Variants in ATP8A2 observed in about 807,000 individuals in gnomAD.
The protein encoded by ATP8A2 is phospholipid-transporting ATPase IB.
A neutral mutation model predicts 165.6 loss-of-function variants in ATP8A2; 100 were observed. The ratio of observed to expected loss-of-function variants is 0.60; its 90% confidence interval spans 0.51 to 0.71. The LOEUF (loss-of-function observed/expected upper bound fraction) is 0.71, where lower values mean the gene tolerates loss of function less well. Ranked by LOEUF, ATP8A2 falls within the 30% of genes least tolerant of loss-of-function variation. ATP8A2 has a pLI of 0.00. For synonymous variants in ATP8A2, 543 were observed against 548.8 expected (o/e 0.99, Z 0.15); for missense variants, 1,227 against 1,479.5 (o/e 0.83, Z 2.80).
intron 20 of ATP8A2, among the ~76,000 whole-genome samples, chr13:25,578,087 A>G (rs1033479741): frequency 2.6e-5 from 4 of 152,232 alleles, no homozygotes; most frequent in African/African-American, 4.8e-5. Flanking sequence ...TAAGTACCAC[A>G]TCGAGTACAA....
In ATP8A2 at chr13:25,496,624, T is replaced by C. The variant is rs148931316; in HGVS notation, c.221+27503T>C. On this transcript the variant is annotated intron_variant, in intron 2 of 36. Transcript: ENST00000381655. ...ATAGTGCCCAGAACACTTCGGGTTT[T>C]CAGGAAATGTTGTTTTCCTTATCAT... is the stretch of plus-strand genomic sequence containing the variant. Among the ~76,000 whole-genome samples the C allele has an allele frequency of 7.3e-3, 1,106 of 152,296 alleles. 14 individuals carry two copies. The highest frequency in any genetic ancestry group is 0.023 in the African/African-American group (965 of 41,556).
intron 1 of ATP8A2, among the ~76,000 whole-genome samples, chr13:25,420,014 A>C (rs1309663071): frequency 6.6e-6 from 1 of 152,242 alleles, no homozygotes; most frequent in African/African-American, 2.4e-5. Context: ...TCAAGGAAAA[A>C]TGTATGTACT....
intron 1 of ATP8A2, among the ~76,000 whole-genome samples, chr13:25,424,470 G>C (rs2138116008): frequency 6.6e-6 from 1 of 152,302 alleles, no homozygotes; most frequent in South Asian, 2.1e-4. Flanking sequence ...TCTGAGTACT[G>C]CTCATGATCT....
intron 25 of ATP8A2, among the ~76,000 whole-genome samples, chr13:25,721,317 CCAT>C (rs1451263579): frequency 6.6e-6 from 1 of 151,838 alleles, no homozygotes; most frequent in Non-Finnish European, 1.5e-5. Flanking sequence ...ATATGAACAG[CCAT>C]CATCACACTA....
chr13:25,875,087 G>A (rs532415176), intron 33 of ATP8A2, among the ~76,000 whole-genome samples: 7 of 151,988 alleles, frequency 4.6e-5, no homozygotes, highest in Admixed American at 6.6e-5. Context: ...GGCAGTTGCC[G>A]GGGCTGGGGG....
At chr13:25,887,880 T>G (rs2138881006) in intron 33 of ATP8A2, among the ~76,000 whole-genome samples, 1 of 152,300 alleles carries the variant, frequency 6.6e-6, no homozygotes, top group East Asian at 1.9e-4. Flanking sequence ...TATCAATATG[T>G]TTTTGAATCT....
At position 26,023,711 on chromosome 13, in the gene ATP8A2, A is replaced by G. The variant is rs1957118374; in HGVS notation, c.*3726A>G. ...ACCATAGCTGAATTGAATGTTTGCA[A>G]AACACTGCTATAGGATAAGGTGGTC... On this transcript the variant is annotated 3_prime_UTR_variant, in exon 37 of 37. Coordinates refer to ENST00000381655, the MANE Select transcript of ATP8A2 (RefSeq NM_016529.6). 6.6e-6 allele frequency: 1 copy of G among 152,198 alleles called. No homozygotes were observed. Among genetic ancestry groups the G allele is most frequent in the Non-Finnish European group, 1.5e-5 (1 of 68,046 alleles). The allele number at this position is 152,198 out of a possible 1,614,324, so 9.4% of individuals were successfully genotyped here. A position where few individuals can be genotyped will look rare whatever the true frequency, so the allele number is the denominator to read the frequency against.
At chr13:25,503,595 C>A (rs772494599) in intron 2 of ATP8A2, among the ~76,000 whole-genome samples, 2 of 152,120 alleles carry the variant, frequency 1.3e-5, no homozygotes, top group South Asian at 4.1e-4. Context: ...GAAATAACTC[C>A]CTCTTGGAAG....
rs78635818 is a variant in ATP8A2 at position 25,463,799 on chromosome 13, G to A, written c.77-5178G>A. Among the ~76,000 whole-genome samples the A allele has an allele frequency of 7.2e-3, 1,098 of 152,312 alleles. 14 individuals carry two copies. Among genetic ancestry groups the A allele is most frequent in the African/African-American group, 0.025 (1,043 of 41,570 alleles). On this transcript the variant is annotated intron_variant, in intron 1 of 36. Transcript: ENST00000381655. ...AGGAGACATCAACCAGAGAGCTAGAGCTGGTGGAAGGTGAGCTGCTGACTG... is the reference window on the plus strand; with the variant it reads ...AGGAGACATCAACCAGAGAGCTAGAACTGGTGGAAGGTGAGCTGCTGACTG...
At chr13:25,563,374 A>T (rs2039217780) in intron 15 of ATP8A2, among the ~76,000 whole-genome samples, 3 of 151,216 alleles carry the variant, frequency 2.0e-5, no homozygotes, top group Non-Finnish European at 2.9e-5. Context: ...ACACCATTGC[A>T]CTCCAGCCTG....
chr13:25,869,602 T>C (rs752357373), intron 33 of ATP8A2, among the ~76,000 whole-genome samples: 1 of 152,232 alleles, frequency 6.6e-6, no homozygotes, highest in Non-Finnish European at 1.5e-5. Flanking sequence ...AATATCTATC[T>C]TAGGATTTAA....
chr13:25,570,147 G>A (rs2039423882), intron 16 of ATP8A2, among the ~76,000 whole-genome samples: 1 of 152,122 alleles, frequency 6.6e-6, no homozygotes, highest in Non-Finnish European at 1.5e-5. Context: ...AATGAGCAAG[G>A]GATGCACTGC....
intron 30 of ATP8A2, among the ~76,000 whole-genome samples, chr13:25,844,312 T>C (rs894333742): frequency 3.3e-4 from 50 of 151,694 alleles, no homozygotes; most frequent in African/African-American, 1.2e-3. Flanking sequence ...CTCACTGAAA[T>C]CTCCACCTCC....
chr13:25,555,162 A>T (rs375153712), intron 13 of ATP8A2, 94 bp downstream of exon 13: 5 of 863,952 alleles, frequency 5.8e-6, no homozygotes, highest in African/African-American at 1.7e-5. Flanking sequence ...TTGCAAAAAT[A>T]CTTCTCCATG....
chr13:25,513,802 C>T (rs544258233), intron 2 of ATP8A2, among the ~76,000 whole-genome samples: 1 of 152,342 alleles, frequency 6.6e-6, no homozygotes, highest in Admixed American at 6.5e-5. Flanking sequence ...CAAAAAAATA[C>T]AAAAACCAGT....
At chr13:25,423,391 T>G (rs1593286681) in intron 1 of ATP8A2, among the ~76,000 whole-genome samples, 1 of 152,240 alleles carries the variant, frequency 6.6e-6, no homozygotes, top group Non-Finnish European at 1.5e-5. Context: ...AATAAACTTT[T>G]AGGATGTCTG....
At chr13:25,994,539 G>C (rs1021259807) in intron 35 of ATP8A2, among the ~76,000 whole-genome samples, 1 of 152,000 alleles carries the variant, frequency 6.6e-6, no homozygotes, top group Non-Finnish European at 1.5e-5. Flanking sequence ...TGTCAAGTTG[G>C]GGGAGTTCTT....
chr13:25,593,459 A>T (rs1031358778), intron 24 of ATP8A2, among the ~76,000 whole-genome samples: 2 of 152,222 alleles, frequency 1.3e-5, no homozygotes, highest in African/African-American at 2.4e-5. Flanking sequence ...GCTCCATAAT[A>T]TAGATGAGAT....
At chr13:25,571,003 G>T in intron 17 of ATP8A2, 131 bp downstream of exon 17, 1 of 632,892 alleles carries the variant, frequency 1.6e-6, no homozygotes, top group South Asian at 2.2e-5. Flanking sequence ...TCACCCTGTG[G>T]CCAGGCTGTG....
Sources: gnomAD v4.1 joint callset for allele counts (sites outside exome capture counted in the v4.1 genomes callset) on GRCh38, gnomAD v4.1.1 for gene constraint, MANE v1.5 for transcripts, NCBI Gene and HGNC (gene_info 2026-07-23, HGNC 2026-07-21) for gene names.